PCMT1: variants seen among roughly 807,000 people sequenced by gnomAD.
The protein encoded by PCMT1 is protein-L-isoaspartate (D-aspartate) O-methyltransferase.
Under a neutral mutation model 29.2 loss-of-function variants are expected in PCMT1, and 9 were observed. The observed-to-expected ratio is 0.31, with a 90% CI of 0.19 to 0.54. The LOEUF (loss-of-function observed/expected upper bound fraction) is 0.54, where lower values mean the gene tolerates loss of function less well. PCMT1 is among the 20% of genes least tolerant of loss of function. The pLI, the probability that PCMT1 is intolerant of heterozygous loss-of-function variation, is 0.95. For synonymous variants in PCMT1, 98 were observed against 97.5 expected, an observed-to-expected ratio of 1.00 and a Z score of -0.03; for missense variants, 184 against 282.2, an observed-to-expected ratio of 0.65 and a Z score of 2.49.
At chr6:149,785,189 T>C (rs201778623) in intron 3 of PCMT1, among the ~76,000 whole-genome samples, 5,209 of 106,894 alleles carry the variant, frequency 0.049, no homozygotes, top group Admixed American at 0.096. Context: ...ACTTTTTTTT[T>C]CAGGAACACT....
chr6:149,772,509 C>T (rs1386998881), intron 2 of PCMT1: 1 of 431,532 alleles, frequency 2.3e-6, no homozygotes, highest in Admixed American at 2.9e-5. Context: ...AAAAACAAGC[C>T]AAAAATATAT....
rs372540486 is a variant in PCMT1, at chr6:149,752,605, G to T, written c.55+2649G>T. Among the ~76,000 whole-genome samples the T allele has an allele frequency of 3.9e-5, 6 of 152,162 alleles. No homozygotes were observed. In the South Asian group the frequency reaches 1.0e-3, roughly 26 times the overall value. Reference sequence around the variant, plus strand: ...AACAGTAGTATGAAGTATGATTTGGGTTCTCATGGATGGCACATAAGCTCA... The same window carrying T: ...AACAGTAGTATGAAGTATGATTTGGTTTCTCATGGATGGCACATAAGCTCA... On this transcript the variant is annotated intron_variant, in intron 1 of 7. Transcript: ENST00000464889.
chr6:149,773,221 A>G, intron 3 of PCMT1, 52 bp downstream of exon 3: 1 of 1,372,874 alleles, frequency 7.3e-7, no homozygotes, highest in Non-Finnish European at 1.0e-6. Flanking sequence ...TTTCTCTATA[A>G]TCATTTTCTT....
chr6:149,786,519 G>A (rs1562414939), intron 3 of PCMT1, among the ~76,000 whole-genome samples: 1 of 126,056 alleles, frequency 7.9e-6, no homozygotes, highest in African/African-American at 3.7e-5. Context: ...CTTCTCAGAC[G>A]GGGCGGCTGC....
At chr6:149,802,544 C>G in intron 7 of PCMT1, 128 bp downstream of exon 7, 1 of 1,258,352 alleles carries the variant, frequency 7.9e-7, no homozygotes, top group Non-Finnish European at 1.0e-6. Context: ...ATGGTCTGCC[C>G]TTATTTTGGT....
chr6:149,777,531 G>T (rs1244640558), intron 3 of PCMT1, among the ~76,000 whole-genome samples: 1 of 152,106 alleles, frequency 6.6e-6, no homozygotes, highest in Non-Finnish European at 1.5e-5. Context: ...CTTACAGGTG[G>T]TTTTTTGGGT....
At chr6:149,759,206 A>AT (rs1052242387) in intron 1 of PCMT1, among the ~76,000 whole-genome samples, 11 of 151,888 alleles carry the variant, frequency 7.2e-5, no homozygotes, top group Admixed American at 2.6e-4. Flanking sequence ...TTCCTTTCAC[A>AT]TTTTTTCAGT....
intron 3 of PCMT1, among the ~76,000 whole-genome samples, chr6:149,789,154 G>A (rs1355687663): frequency 7.0e-6 from 1 of 142,396 alleles, no homozygotes; most frequent in Non-Finnish European, 1.5e-5. Flanking sequence ...TCGGATCACT[G>A]CAATCTCCCC....
At chr6:149,765,977 T>G (rs200068099) in intron 1 of PCMT1, among the ~76,000 whole-genome samples, 1 of 112,822 alleles carries the variant, frequency 8.9e-6, no homozygotes, top group Non-Finnish European at 1.7e-5. Flanking sequence ...AAAAAAAAAA[T>G]AAATTTTTTT....
chr6:149,783,705 T>TC (rs1787907568), intron 3 of PCMT1, among the ~76,000 whole-genome samples: 3 of 151,838 alleles, frequency 2.0e-5, no homozygotes, highest in Admixed American at 6.6e-5. Context: ...TTTTTTTTTC[T>TC]CCCCCCTGAG....
In PCMT1 at chr6:149,802,440, C is replaced by T. The variant is rs1036108942; in HGVS notation, c.*37+24C>T. On this transcript the variant is annotated intron_variant, in intron 7 of 7. Transcript: ENST00000464889. ...AGGTGAAAGGGTGTGGATTTTAAGA[C>T]ATTAGACTACAAGAGCTGTTTTTGG... 10 of 1,488,420 alleles carry T rather than the reference C, an allele frequency of 6.7e-6. No individual in the cohort carries two copies. The East Asian group carries it at 1.6e-4, about 24-fold the overall frequency. 92.2% of individuals were successfully genotyped at this position (1,488,420 alleles called of 1,614,324 possible). A position where few individuals can be genotyped will look rare whatever the true frequency, so the allele number is the denominator to read the frequency against.
At chr6:149,771,341 G>A in intron 2 of PCMT1, 75 bp downstream of exon 2, 1 of 871,124 alleles carries the variant, frequency 1.1e-6, no homozygotes, top group Non-Finnish European at 1.8e-6. Flanking sequence ...AAAAAGCCTG[G>A]GACACAGATA....
At chr6:149,777,641 T>G (rs2342860) in intron 3 of PCMT1, among the ~76,000 whole-genome samples, 2 of 151,940 alleles carry the variant, frequency 1.3e-5, no homozygotes, top group African/African-American at 4.8e-5. Flanking sequence ...TACATGCACA[T>G]ATATGTTTTT....
chr6:149,804,437 A>C (rs371895051), intron 7 of PCMT1, among the ~76,000 whole-genome samples: 5 of 152,290 alleles, frequency 3.3e-5, no homozygotes, highest in African/African-American at 9.6e-5. Context: ...TTTACTGTGA[A>C]GCTAACAAAG....
intron 3 of PCMT1, among the ~76,000 whole-genome samples, chr6:149,781,266 A>G (rs1472613716): frequency 2.2e-5 from 3 of 137,954 alleles, no homozygotes; most frequent in Admixed American, 1.6e-4. Flanking sequence ...TCGCTCTGTC[A>G]CCCGGGCTGG....
rs188613916 is a variant in PCMT1, at chr6:149,764,993, A to G, written c.56-6169A>G. 8.0e-3 allele frequency among the ~76,000 whole-genome samples: 1,201 copies of G among 150,808 alleles called. 13 individuals are homozygous for G. The highest frequency in any genetic ancestry group is 0.027 in the African/African-American group (1,100 of 40,982). On this transcript the variant is annotated intron_variant, in intron 1 of 7. Coordinates refer to ENST00000464889, the MANE Select transcript of PCMT1 (RefSeq NM_001360452.2). ...GAGGCGGAGCTTGCAGTGAGCCGAG[A>G]TCGCGCCACTGCACTCCAGCCTGGC...
intron 2 of PCMT1, among the ~76,000 whole-genome samples, chr6:149,772,836 T>G: frequency 6.6e-6 from 1 of 151,362 alleles, no homozygotes; most frequent in African/African-American, 2.4e-5. Context: ...GCTAACGCGG[T>G]GAAACCCCGT....
intron 1 of PCMT1, among the ~76,000 whole-genome samples, chr6:149,752,142 AT>A (rs767953702): frequency 1.1e-4 from 16 of 148,230 alleles, no homozygotes; most frequent in Non-Finnish European, 1.9e-4. Flanking sequence ...GGCTCCCAAA[AT>A]TTTGGGATTA....
chr6:149,777,134 T>C (rs770930209), intron 3 of PCMT1, among the ~76,000 whole-genome samples: 31 of 152,172 alleles, frequency 2.0e-4, no homozygotes, highest in Admixed American at 6.6e-4. Context: ...ATACTGTAAC[T>C]CTAAAATGCA....
Sources: allele counts gnomAD v4.1 joint callset (sites outside exome capture counted in the v4.1 genomes callset), GRCh38; gene constraint gnomAD v4.1.1; transcripts MANE v1.5; gene names NCBI Gene and HGNC (gene_info 2026-07-23, HGNC 2026-07-21).